Variants in ADAMTS12 observed in about 807,000 individuals in gnomAD.
ADAMTS12 encodes ADAM metallopeptidase with thrombospondin type 1 motif 12.
In ADAMTS12, 118 loss-of-function variants were observed where a neutral mutation model predicts 167.8. The observed-to-expected ratio is 0.70, with a 90% CI of 0.61 to 0.82. The LOEUF (loss-of-function observed/expected upper bound fraction) is 0.82. Among genes scored for constraint, ADAMTS12 ranks in the 40% least tolerant of loss-of-function variants. The pLI is 0.00. For missense variants in ADAMTS12, 1,916 were observed against 1,998.8 expected (o/e 0.96, Z 0.79); for synonymous variants, 704 against 716.9 (o/e 0.98, Z 0.29).
chr5:33,739,623 T>C (rs1310419896), intron 3 of ADAMTS12, among the ~76,000 whole-genome samples: 1 of 152,124 alleles, frequency 6.6e-6, no homozygotes, highest in Non-Finnish European at 1.5e-5. Flanking sequence ...CCAGACTCGG[T>C]TTCTAGGACT....
In ADAMTS12 at chr5:33,769,660, C is replaced by T. The variant is rs192656630; in HGVS notation, c.490-18112G>A. On this transcript the variant is annotated intron_variant, in intron 2 of 23. Transcript: ENST00000504830. ...CAAGGTTCAAATACAGTTATTTTTTCTACTGGGAAGAAAAATCACAACTAG... is the reference window on the plus strand; with the variant it reads ...CAAGGTTCAAATACAGTTATTTTTTTTACTGGGAAGAAAAATCACAACTAG... 3.7e-4 allele frequency among the ~76,000 whole-genome samples: 57 copies of T among 152,250 alleles called. 2 individuals are homozygous for T. In the East Asian group the frequency reaches 9.3e-3, roughly 25 times the overall value.
intron 3 of ADAMTS12, among the ~76,000 whole-genome samples, chr5:33,721,951 A>T (rs141496880): frequency 9.8e-4 from 150 of 152,342 alleles, no homozygotes; most frequent in African/African-American, 3.3e-3. Context: ...AGTTCTTTAT[A>T]TAAATAAGCA....
chr5:33,739,994 A>G lies in ADAMTS12; in HGVS notation c.634+11410T>C, dbSNP rs114419464. Among the ~76,000 whole-genome samples, 1,316 of 152,302 alleles carry G rather than the reference A, an allele frequency of 8.6e-3. 19 individuals carry two copies. Among genetic ancestry groups the G allele is most frequent in the African/African-American group, 0.031 (1,271 of 41,544 alleles). Reference sequence around the variant, plus strand: ...AATGTCAAGATTGCTTTGTTTCTAGATACTGCTGAATCGAAACAGAAAGAC... The same window carrying G: ...AATGTCAAGATTGCTTTGTTTCTAGGTACTGCTGAATCGAAACAGAAAGAC... On this transcript the variant is annotated intron_variant, in intron 3 of 23. Coordinates refer to ENST00000504830, the MANE Select transcript of ADAMTS12 (RefSeq NM_030955.4).
intron 2 of ADAMTS12, among the ~76,000 whole-genome samples, chr5:33,844,164 A>G (rs1038412179): frequency 2.0e-5 from 3 of 152,088 alleles, no homozygotes; most frequent in African/African-American, 7.2e-5. Flanking sequence ...TTGCCTCAGG[A>G]CCCTGTGATG....
At chr5:33,623,790 TG>T (rs1739444084) in intron 14 of ADAMTS12, among the ~76,000 whole-genome samples, 1 of 152,194 alleles carries the variant, frequency 6.6e-6, no homozygotes, top group Non-Finnish European at 1.5e-5. Context: ...GTAAACCCAT[TG>T]CTGGCTTCTG....
At chr5:33,736,245 T>C (rs1229991748) in intron 3 of ADAMTS12, among the ~76,000 whole-genome samples, 3 of 152,032 alleles carry the variant, frequency 2.0e-5, no homozygotes, top group Non-Finnish European at 4.4e-5. Flanking sequence ...GTATTTTTAG[T>C]AGTGATGGGG....
chr5:33,530,882 A>G (rs1744062540), intron 23 of ADAMTS12, among the ~76,000 whole-genome samples: 1 of 152,230 alleles, frequency 6.6e-6, no homozygotes. Context: ...AATGTACCCC[A>G]GAGTGGAAGT....
chr5:33,792,307 T>G (rs1579940095), intron 2 of ADAMTS12, among the ~76,000 whole-genome samples: 1 of 152,166 alleles, frequency 6.6e-6, no homozygotes, highest in East Asian at 1.9e-4. Context: ...GCTTTCACTT[T>G]TAAGTCCGCT....
At chr5:33,690,775 T>C (rs912100902) in intron 3 of ADAMTS12, among the ~76,000 whole-genome samples, 5 of 152,308 alleles carry the variant, frequency 3.3e-5, no homozygotes, top group East Asian at 1.9e-4. Flanking sequence ...TTTTGTTAAT[T>C]ATCTATTTAA....
chr5:33,638,676 A>G (rs546779533), intron 11 of ADAMTS12, among the ~76,000 whole-genome samples: 1 of 152,238 alleles, frequency 6.6e-6, no homozygotes, highest in East Asian at 1.9e-4. Flanking sequence ...TCCTGAATCT[A>G]TCATTCCCAA....
At chr5:33,549,470 A>C (rs1745150636) in intron 20 of ADAMTS12, 87 bp from the exon 21 acceptor site, 1 of 1,485,046 alleles carries the variant, frequency 6.7e-7, no homozygotes, top group Non-Finnish European at 9.2e-7. Context: ...GGCGCCAGGC[A>C]TTCAGTCATA....
chr5:33,579,409 T>A (rs1336953226), intron 18 of ADAMTS12, among the ~76,000 whole-genome samples: 1 of 152,048 alleles, frequency 6.6e-6, no homozygotes, highest in Non-Finnish European at 1.5e-5. Flanking sequence ...CATGAAGTAT[T>A]AGACTAGATA....
At chr5:33,583,274 T>A (rs1398265975) in intron 18 of ADAMTS12, among the ~76,000 whole-genome samples, 4 of 152,212 alleles carry the variant, frequency 2.6e-5, no homozygotes, top group Admixed American at 2.6e-4. Context: ...CTTATTTCAC[T>A]TCACATAATG....
At chr5:33,539,082 C>A (rs191569305) in intron 22 of ADAMTS12, among the ~76,000 whole-genome samples, 268 of 152,230 alleles carry the variant, frequency 1.8e-3, no homozygotes, top group African/African-American at 6.2e-3. Context: ...GCTGGGATTA[C>A]AGGCATGTAC....
chr5:33,879,029 T>C (rs1431785802), intron 2 of ADAMTS12, among the ~76,000 whole-genome samples: 1 of 152,120 alleles, frequency 6.6e-6, no homozygotes, highest in African/African-American at 2.4e-5. Context: ...AATGGGGGAA[T>C]GGGTAAGTGA....
At chr5:33,611,400 G>A (rs1300946730) in intron 16 of ADAMTS12, among the ~76,000 whole-genome samples, 1 of 151,624 alleles carries the variant, frequency 6.6e-6, no homozygotes, top group Non-Finnish European at 1.5e-5. Context: ...ATAAAGCTGA[G>A]TGGTTAGTAC....
Position 33,865,693 on chromosome 5 carries a change from G to A in ADAMTS12, c.489+15426C>T, listed in dbSNP as rs1208939256. 2.0e-5 allele frequency among the ~76,000 whole-genome samples: 3 copies of A among 152,086 alleles called. No homozygotes were observed. The East Asian group carries it at 5.8e-4, about 29-fold the overall frequency. The stretch of plus-strand genomic sequence containing the variant: ...AACTATTGTTGTTCACTGATGATAT[G>A]ACTGTATAACTAGAAAACCCTAAAG... On this transcript the variant is annotated intron_variant, in intron 2 of 23. Transcript: ENST00000504830.
chr5:33,743,894 A>T (rs1162284877), intron 3 of ADAMTS12, among the ~76,000 whole-genome samples: 1 of 152,168 alleles, frequency 6.6e-6, no homozygotes, highest in Non-Finnish European at 1.5e-5. Flanking sequence ...ATTCCTCTTT[A>T]GGAGTGAGGT....
chr5:33,879,117 C>T (rs1750333990), intron 2 of ADAMTS12, among the ~76,000 whole-genome samples: 1 of 152,140 alleles, frequency 6.6e-6, no homozygotes, highest in South Asian at 2.1e-4. Flanking sequence ...CAACTCTGAA[C>T]ACATTTAAAG....
Sources: allele counts gnomAD v4.1 joint callset (sites outside exome capture counted in the v4.1 genomes callset), GRCh38; gene constraint gnomAD v4.1.1; transcripts MANE v1.5; gene names NCBI Gene and HGNC (gene_info 2026-07-23, HGNC 2026-07-21).